GRK4: variants seen among roughly 807,000 people sequenced by gnomAD.
GRK4 encodes G protein-coupled receptor kinase 2-like.
Under a neutral mutation model 77.9 loss-of-function variants are expected in GRK4, and 73 were observed. The ratio of observed to expected loss-of-function variants is 0.94; its 90% CI spans 0.78 to 1.14. The LOEUF (loss-of-function observed/expected upper bound fraction) is 1.14. GRK4 is among the 50% of genes most tolerant of loss of function. GRK4 has a pLI of 0.00. For missense variants in GRK4, 729 were observed against 700.2 expected (o/e 1.04, Z -0.46); for synonymous variants, 257 against 254.4 (o/e 1.01, Z -0.10).
chr4:2,968,420 G>T (rs1718438837), intron 1 of GRK4, among the ~76,000 whole-genome samples: 1 of 152,124 alleles, frequency 6.6e-6, no homozygotes, highest in Admixed American at 6.6e-5. Flanking sequence ...TTCCTCCCTA[G>T]AACTTTTGCT....
At chr4:2,974,736 C>A (rs948140622) in intron 1 of GRK4, among the ~76,000 whole-genome samples, 2 of 152,180 alleles carry the variant, frequency 1.3e-5, no homozygotes, top group African/African-American at 4.8e-5. Context: ...TGGAAAAGTT[C>A]TCTAATGGTG....
At chr4:3,006,623 A>T (rs1258639836) in intron 5 of GRK4, among the ~76,000 whole-genome samples, 2 of 151,874 alleles carry the variant, frequency 1.3e-5, no homozygotes, top group African/African-American at 4.8e-5. Flanking sequence ...GTAATACAAA[A>T]ATTAGCCAGG....
rs1205294658 is a variant in GRK4, at chr4:3,035,469, C to T, written c.1353C>T (p.Asp451=). 6.2e-7 allele frequency: 1 copy of T among 1,613,926 alleles called. No homozygotes were observed. The highest frequency in any genetic ancestry group is 8.5e-7 in the Non-Finnish European group (1 of 1,179,984). Reference sequence around the variant, plus strand: ...TGAAGCAGCACCCCGTGTTCAAGGACATCAACTTCAGGAGGCTGGAGGCAA... The same window carrying T: ...TGAAGCAGCACCCCGTGTTCAAGGATATCAACTTCAGGAGGCTGGAGGCAA... ...AGVKQHPVFK[D]INFRRLEANM... is the part of the protein sequence containing the mutation. The change falls in exon 13 of 16, where the codon GAC becomes GAT. Residue 451 remains aspartate (D), a synonymous_variant. Coordinates refer to ENST00000398052, the MANE Select transcript of GRK4 (RefSeq NM_182982.3).
intron 4 of GRK4, among the ~76,000 whole-genome samples, chr4:2,999,402 C>A (rs955107759): frequency 2.0e-5 from 3 of 152,194 alleles, no homozygotes; most frequent in Non-Finnish European, 4.4e-5. Flanking sequence ...AAGGTCCCAC[C>A]TCTCAACACT....
At chr4:2,970,176 T>C (rs1047854157) in intron 1 of GRK4, among the ~76,000 whole-genome samples, 2 of 152,212 alleles carry the variant, frequency 1.3e-5, no homozygotes, top group African/African-American at 4.8e-5. Flanking sequence ...ACAGCTAATT[T>C]GGGATGCTAT....
In GRK4 at chr4:3,019,739, C is replaced by T. The variant is rs1322592598; in HGVS notation, c.840C>T (p.Gly280=). The T allele has an allele frequency of 1.9e-6, 3 of 1,614,186 alleles. No homozygotes were observed. Among genetic ancestry groups the T allele is most frequent in the South Asian group, 1.1e-5 (1 of 91,084 alleles). Residue 280 remains glycine, a synonymous_variant, in exon 9 of 16, where the codon GGC becomes GGT. Transcript: ENST00000398052. ...GDLKFHIYNL[G]NPGFDEQRAV... The stretch of plus-strand genomic sequence containing the variant: ...TGAAGTTTCACATTTACAACCTGGG[C>T]AATCCCGGCTTTGATGAGCAGAGAG...
intron 1 of GRK4, among the ~76,000 whole-genome samples, chr4:2,975,936 G>A (rs950465676): frequency 6.6e-6 from 1 of 152,182 alleles, no homozygotes; most frequent in Non-Finnish European, 1.5e-5. Flanking sequence ...GCTGAAAGTT[G>A]TTTGACCTTT....
chr4:2,963,770 T>G lies in GRK4; in HGVS notation c.-301T>G. The G allele has an allele frequency of 4.3e-6, 2 of 463,892 alleles. No homozygotes were observed. The highest frequency in any genetic ancestry group is 7.6e-6 in the Non-Finnish European group (2 of 262,934). 28.7% of individuals were successfully genotyped at this position (463,892 alleles called of 1,614,324 possible). A position where few individuals can be genotyped will look rare whatever the true frequency, so the allele number is the denominator to read the frequency against. On this transcript the variant is annotated 5_prime_UTR_variant, in exon 1 of 16. It removes an upstream start codon present in the reference 5' UTR. Transcript: ENST00000398052. ...AGTTGCGCGCGCGAGGCGAGGGCGA[T>G]GGGGCCAAGAAGAACCGGGGCGATA...
rs7677445 is a variant in GRK4, at chr4:3,027,896, A to G, written c.971-16A>G. On this transcript the variant is annotated splice_polypyrimidine_tract_variant and intron_variant, in intron 10 of 15. Transcript: ENST00000398052. ...CTTCCCCCGTGACCTGTGTAATAACATATTTGAACACACAGGACACATCCG... is the reference window on the plus strand; with the variant it reads ...CTTCCCCCGTGACCTGTGTAATAACGTATTTGAACACACAGGACACATCCG... The G allele has an allele frequency of 0.038, 61,645 of 1,611,144 alleles. 2,064 individuals carry two copies. Among genetic ancestry groups the G allele is most frequent in the African/African-American group, 0.17 (12,854 of 74,914 alleles).
At position 2,984,530 on chromosome 4, in the gene GRK4, A is replaced by G; in HGVS notation, c.70A>G (p.Ser24Gly). Residue 24 changes from serine (S) to glycine (G), a missense_variant, in exon 2 of 16, where the codon AGT (serine) becomes GGT (glycine). Physicochemically the swap from Ser to Gly is moderately conservative, Grantham distance 56 (BLOSUM62 0). Transcript: ENST00000398052. The stretch of plus-strand genomic sequence containing the variant: ...AAATTCAGGAGGATATGGCAAAAAA[A>G]GTGGTCGTAGTAAAAAATGGAAGGA... ...KARQGGYGKK[S>G]GRSKKWKEIL... The G allele has an allele frequency of 6.2e-7, 1 of 1,612,366 alleles. No homozygotes were observed. Among genetic ancestry groups the G allele is most frequent in the Non-Finnish European group, 8.5e-7 (1 of 1,178,700 alleles).
rs758513559 is a variant in GRK4 at position 3,035,506 on chromosome 4, C to G, written c.1390C>G (p.Pro464Ala). 5.0e-6 allele frequency: 8 copies of G among 1,613,636 alleles called. No individual in the cohort carries two copies. The highest frequency in any genetic ancestry group is 5.9e-6 in the Non-Finnish European group (7 of 1,179,874). Residue 464 changes from proline (P) to alanine (A), a missense_variant, in exon 13 of 16, where the codon CCC becomes GCC. Coordinates refer to ENST00000398052, the MANE Select transcript of GRK4 (RefSeq NM_182982.3). ...GAGGCTGGAGGCAAACATGCTGGAG[C>G]CCCCTTTCTGTCCTGATGTAAGTGC... ...FRRLEANMLE[P>A]PFCPDPHAVY...
At chr4:3,006,246 G>A (rs149417683) in intron 5 of GRK4, among the ~76,000 whole-genome samples, 4,739 of 151,912 alleles carry the variant, frequency 0.031, 225 homozygotes, top group African/African-American at 0.1. Flanking sequence ...AGGCATGGTG[G>A]CACATGCCTG....
chr4:3,020,006 AG>A lies in GRK4; in HGVS notation c.932+178del, dbSNP rs201480541. ...CACTATTGGAAATATGGCCAGTCAG[AG>A]GGCCCTGGGTGTTTTTTTGTTTTGT... On this transcript the variant is annotated intron_variant, in intron 9 of 15. Transcript: ENST00000398052. Among the ~76,000 whole-genome samples, 1,440 of 152,114 alleles carry A rather than the reference AG, an allele frequency of 9.5e-3. 16 individuals are homozygous for A. Among genetic ancestry groups the A allele is most frequent in the African/African-American group, 0.03 (1,261 of 41,508 alleles).
At chr4:3,012,593 C>G (rs1276426918) in intron 7 of GRK4, among the ~76,000 whole-genome samples, 1 of 152,134 alleles carries the variant, frequency 6.6e-6, no homozygotes, top group East Asian at 1.9e-4. Context: ...TTAAAGCAGT[C>G]CCCTGTGGGG....
intron 2 of GRK4, among the ~76,000 whole-genome samples, chr4:2,985,984 CAAAAAAA>C (rs1181104072): frequency 4.4e-5 from 4 of 91,696 alleles, no homozygotes; most frequent in Non-Finnish European, 9.1e-5. Context: ...GACTCCGTCT[CAAAAAAA>C]AAAAAAAAAA....
intron 1 of GRK4, among the ~76,000 whole-genome samples, chr4:2,978,868 G>A (rs760784618): frequency 2.0e-5 from 3 of 152,112 alleles, no homozygotes; most frequent in African/African-American, 4.8e-5. Flanking sequence ...CGAGGTGGGC[G>A]GATCTCCTGA....
intron 10 of GRK4, among the ~76,000 whole-genome samples, chr4:3,023,473 C>T (rs1015372187): frequency 3.3e-5 from 5 of 152,154 alleles, no homozygotes; most frequent in Non-Finnish European, 5.9e-5. Flanking sequence ...TGAGGGCAGT[C>T]GTGGGGGACT....
At chr4:2,985,069 A>G (rs910613328) in intron 2 of GRK4, among the ~76,000 whole-genome samples, 2 of 152,230 alleles carry the variant, frequency 1.3e-5, no homozygotes, top group African/African-American at 2.4e-5. Flanking sequence ...AAACACTGTT[A>G]AGTATTGTTT....
chr4:3,009,685 G>C lies in GRK4; in HGVS notation c.574G>C (p.Val192Leu), dbSNP rs755846722. The stretch of plus-strand genomic sequence containing the variant: ...AAAGAACACATTTAGACATTACAGA[G>C]TTCTAGGAAAAGGCGGATTTGGAGA... ...VTKNTFRHYR[V>L]LGKGGFGEVC... Residue 192 changes from valine to leucine, a missense_variant, in exon 7 of 16, where the codon GTT becomes CTT. By Grantham distance (32) the Val-to-Leu change is conservative. Transcript: ENST00000398052. The C allele has an allele frequency of 1.2e-6, 2 of 1,613,984 alleles. No individual in the cohort carries two copies. The highest frequency in any genetic ancestry group is 2.7e-5 in the African/African-American group (2 of 75,036).
Sources: allele counts gnomAD v4.1 joint callset (sites outside exome capture counted in the v4.1 genomes callset), GRCh38; gene constraint gnomAD v4.1.1; transcripts MANE v1.5; gene names NCBI Gene and HGNC (gene_info 2026-07-23, HGNC 2026-07-21).